The following CADPS2 variants were observed in gnomAD, a reference collection of about 807,000 sequenced individuals.
CADPS2 encodes the protein calcium dependent secretion activator 2.
Under a neutral mutation model 172.5 loss-of-function variants are expected in CADPS2, and 93 were observed. The ratio of observed to expected loss-of-function variants is 0.54; its 90% confidence interval spans 0.46 to 0.64. CADPS2 has a LOEUF of 0.64. Among genes scored for constraint, CADPS2 ranks in the 30% least tolerant of loss-of-function variants. The probability of loss-of-function intolerance (pLI) is 0.00; values close to 1 mark genes in which losing one functional copy is unlikely to be tolerated. For synonymous variants in CADPS2, 546 were observed against 555.2 expected, an observed-to-expected ratio of 0.98 and a Z score of 0.23; for missense variants, 1,420 against 1,565.9, an observed-to-expected ratio of 0.91 and a Z score of 1.57.
chr7:122,872,316 G>C (rs1819966062), intron 1 of CADPS2, among the ~76,000 whole-genome samples: 1 of 152,030 alleles, frequency 6.6e-6, no homozygotes, highest in Non-Finnish European at 1.5e-5. Flanking sequence ...ATAATTACTT[G>C]AACATTTTGG....
rs375192300 is a variant in CADPS2, at chr7:122,393,542, T to G, written c.2787A>C (p.Glu929Asp). 9.9e-6 allele frequency: 16 copies of G among 1,613,672 alleles called. No homozygotes were observed. The highest frequency in any genetic ancestry group is 1.4e-5 in the Non-Finnish European group (16 of 1,179,818). Residue 929 changes from glutamate (E) to aspartate (D), a missense_variant, in exon 21 of 30, where the codon GAA (glutamate) becomes GAC (aspartate). Glu to Asp is a conservative substitution (Grantham distance 45). Coordinates refer to ENST00000449022, the MANE Select transcript of CADPS2 (RefSeq NM_017954.11). ...CNGKFHKHLQEIFVPLVVRYV... is the reference protein window; with the variant it reads ...CNGKFHKHLQDIFVPLVVRYV... The stretch of plus-strand genomic sequence containing the variant: ...AGCGGACAACCAAGGGTACAAAGAT[T>G]TCTTGCAAGTGTTTGTGAAATTTTC...
At chr7:122,401,645 T>G (rs533437493) in intron 20 of CADPS2, among the ~76,000 whole-genome samples, 242 of 152,340 alleles carry the variant, frequency 1.6e-3, no homozygotes, top group African/African-American at 5.5e-3. Context: ...TCCCTCAATT[T>G]GAATACATCT....
chr7:122,696,402 G>C (rs1235008396), intron 2 of CADPS2, among the ~76,000 whole-genome samples: 7 of 152,216 alleles, frequency 4.6e-5, no homozygotes, highest in Admixed American at 4.6e-4. Flanking sequence ...AAAAGCCTTT[G>C]TGTACCAAGC....
chr7:122,438,446 C>A lies in CADPS2; in HGVS notation c.2371G>T (p.Ala791Ser). The A allele has an allele frequency of 1.2e-6, 2 of 1,612,632 alleles. No individual in the cohort carries two copies. Among genetic ancestry groups the A allele is most frequent in the Non-Finnish European group, 1.7e-6 (2 of 1,179,192 alleles). Residue 791 changes from alanine (A) to serine (S), a missense_variant, in exon 17 of 30, where the codon GCC becomes TCC. Coordinates refer to ENST00000449022, the MANE Select transcript of CADPS2 (RefSeq NM_017954.11). ...LLERVLMKDI[A>S]TPIPAEEVKK... ...ACCTCTTCTGCTGGTATGGGAGTGGCAATATCTTTCATTAAAACCTACAGA... is the reference window on the plus strand; with the variant it reads ...ACCTCTTCTGCTGGTATGGGAGTGGAAATATCTTTCATTAAAACCTACAGA...
At chr7:122,631,374 T>C (rs576669795) in intron 3 of CADPS2, among the ~76,000 whole-genome samples, 2 of 152,302 alleles carry the variant, frequency 1.3e-5, no homozygotes, top group Non-Finnish European at 2.9e-5. Flanking sequence ...CTTACTTAAG[T>C]GTAAGTGAAA....
intron 6 of CADPS2, among the ~76,000 whole-genome samples, chr7:122,594,064 T>C (rs898689919): frequency 1.2e-4 from 18 of 152,062 alleles, no homozygotes; most frequent in African/African-American, 4.3e-4. Context: ...TTCTAGGCTT[T>C]TGGGAGGATC....
intron 4 of CADPS2, among the ~76,000 whole-genome samples, chr7:122,624,877 G>C (rs983260650): frequency 2.0e-5 from 3 of 152,058 alleles, no homozygotes; most frequent in East Asian, 3.9e-4. Flanking sequence ...AGTAAACAAG[G>C]AAATAATTTC....
At chr7:122,600,081 T>C (rs2072517457) in intron 6 of CADPS2, among the ~76,000 whole-genome samples, 2 of 152,118 alleles carry the variant, frequency 1.3e-5, no homozygotes, top group African/African-American at 4.8e-5. Flanking sequence ...TGTTTGACAA[T>C]TACATCTTCA....
intron 8 of CADPS2, among the ~76,000 whole-genome samples, chr7:122,539,772 T>A (rs2062723679): frequency 6.6e-6 from 1 of 152,034 alleles, no homozygotes; most frequent in Non-Finnish European, 1.5e-5. Flanking sequence ...TCTCTGTCTC[T>A]CTCTTTCTGT....
rs1261617678 is a variant in CADPS2, at chr7:122,820,629, G to A, written c.339+65370C>T. Reference sequence around the variant, plus strand: ...GGCTGGAGTGCAGTGGCGCGATCTCGGCTCACTGCAAGCTCCGCCTCCCGG... The same window carrying A: ...GGCTGGAGTGCAGTGGCGCGATCTCAGCTCACTGCAAGCTCCGCCTCCCGG... On this transcript the variant is annotated intron_variant, in intron 1 of 29. Coordinates refer to ENST00000449022, the MANE Select transcript of CADPS2 (RefSeq NM_017954.11). Among the ~76,000 whole-genome samples, 4 of 119,476 alleles carry A rather than the reference G, an allele frequency of 3.3e-5. 1 individual carries two copies. Among genetic ancestry groups the A allele is most frequent in the Admixed American group, 1.9e-4 (2 of 10,694 alleles). The allele number at this position is 119,476 out of a possible 152,430, so 78.4% of individuals were successfully genotyped here.
chr7:122,673,483 T>A (rs561564862), intron 2 of CADPS2, among the ~76,000 whole-genome samples: 1 of 152,102 alleles, frequency 6.6e-6, no homozygotes, highest in Non-Finnish European at 1.5e-5. Flanking sequence ...GAGTGCTGAA[T>A]GGTGTGTTTA....
chr7:122,492,555 C>T (rs1209706739), intron 9 of CADPS2, among the ~76,000 whole-genome samples: 1 of 152,134 alleles, frequency 6.6e-6, no homozygotes, highest in South Asian at 2.1e-4. Context: ...CTACAACAGG[C>T]AGGCTCTTTC....
chr7:122,469,833 G>A (rs935148563), intron 14 of CADPS2, among the ~76,000 whole-genome samples: 5 of 152,004 alleles, frequency 3.3e-5, no homozygotes, highest in Non-Finnish European at 5.9e-5. Context: ...CTGTGTGTGT[G>A]TGTGTGTGCA....
intron 8 of CADPS2, among the ~76,000 whole-genome samples, chr7:122,539,753 C>CTCTCTCTCCCTGCCTGTT (rs145831752): frequency 2.0e-5 from 3 of 151,534 alleles, no homozygotes; most frequent in Non-Finnish European, 4.4e-5. Flanking sequence ...CTCTCTCTGT[C>CTCTCTCTCCCTGCCTGTT]TCTCTCTGTC....
chr7:122,529,819 C>A (rs960714354), intron 8 of CADPS2, among the ~76,000 whole-genome samples: 1 of 152,040 alleles, frequency 6.6e-6, no homozygotes, highest in Non-Finnish European at 1.5e-5. Context: ...CAATTGCTGG[C>A]ACATTTATAT....
At chr7:122,410,290 G>A (rs538547680) in intron 19 of CADPS2, among the ~76,000 whole-genome samples, 2 of 152,210 alleles carry the variant, frequency 1.3e-5, no homozygotes, top group Non-Finnish European at 2.9e-5. Flanking sequence ...GTTGCAGTAA[G>A]CCAAGATCGC....
chr7:122,714,316 T>C (rs1207779453), intron 2 of CADPS2, among the ~76,000 whole-genome samples: 1 of 152,072 alleles, frequency 6.6e-6, no homozygotes, highest in Non-Finnish European at 1.5e-5. Context: ...CCTACAAGAA[T>C]ACAAAGTGGA....
In CADPS2 at chr7:122,490,100, G is replaced by C. The variant is rs781554680; in HGVS notation, c.1833C>G (p.Leu611=). 2 of 1,613,232 alleles carry C rather than the reference G, an allele frequency of 1.2e-6. No individual in the cohort carries two copies. The highest frequency in any genetic ancestry group is 1.1e-5 in the South Asian group (1 of 91,060). The change falls in exon 11 of 30, where the codon CTC becomes CTG. Residue 611 remains leucine (L), a synonymous_variant. Transcript: ENST00000449022. ...TQKLNPKGGT[L]HADAQLSGKD... ...ACTTACAAAGCTGAGCATCTGCATG[G>C]AGAGTTCCTCCTTTAGGATTCAGTT...
intron 1 of CADPS2, among the ~76,000 whole-genome samples, chr7:122,754,562 C>T (rs775471991): frequency 2.0e-5 from 3 of 152,090 alleles, no homozygotes; most frequent in African/African-American, 4.8e-5. Flanking sequence ...CTGCAACGTC[C>T]GCCTCCCAGG....
Sources: gnomAD v4.1 joint callset for allele counts (sites outside exome capture counted in the v4.1 genomes callset) on GRCh38, gnomAD v4.1.1 for gene constraint, MANE v1.5 for transcripts, NCBI Gene and HGNC (gene_info 2026-07-23, HGNC 2026-07-21) for gene names.